Variants in PALM2AKAP2 observed in about 807,000 individuals in gnomAD.
PALM2AKAP2 encodes PALM2-AKAP2 fusion protein.
In PALM2AKAP2, 37 loss-of-function variants were observed where a neutral mutation model predicts 71.5. The observed-to-expected ratio is 0.52, with a 90% CI of 0.40 to 0.68. PALM2AKAP2 has a LOEUF of 0.68. PALM2AKAP2 is among the 30% of genes least tolerant of loss of function. PALM2AKAP2 has a pLI of 0.00. For synonymous variants in PALM2AKAP2, 468 were observed against 478.8 expected (o/e 0.98, Z 0.29); for missense variants, 1,224 against 1,191.8 (o/e 1.03, Z -0.40).
chr9:109,957,722 C>A (rs755672469), intron 6 of PALM2AKAP2, among the ~76,000 whole-genome samples: 3 of 152,158 alleles, frequency 2.0e-5, no homozygotes, highest in Admixed American at 6.5e-5. Context: ...TGTATTAGAA[C>A]CTGGGACATT....
chr9:110,171,732 A>G (rs945563001), exon 4 of PALM2AKAP2: 1 of 152,552 alleles, frequency 6.6e-6, no homozygotes, highest in African/African-American at 2.4e-5. Flanking sequence ...CCCCACCCCC[A>G]AATAGCACAC....
chr9:110,008,088 G>C (rs1438966775), intron 6 of PALM2AKAP2, among the ~76,000 whole-genome samples: 4 of 152,186 alleles, frequency 2.6e-5, no homozygotes, highest in African/African-American at 4.8e-5. Context: ...AAGGTGGTGG[G>C]AAAGTTTGAG....
At chr9:109,668,696 A>G (rs923512498) in intron 1 of PALM2AKAP2, among the ~76,000 whole-genome samples, 3 of 152,176 alleles carry the variant, frequency 2.0e-5, no homozygotes, top group South Asian at 4.1e-4. Flanking sequence ...TCAAGAAGGT[A>G]TATGATTAGG....
chr9:109,786,081 C>T (rs751720168), intron 1 of PALM2AKAP2, among the ~76,000 whole-genome samples: 21 of 152,220 alleles, frequency 1.4e-4, no homozygotes, highest in African/African-American at 2.7e-4. Flanking sequence ...CTGGCTGTGC[C>T]GTGGGCTTAC....
At chr9:109,986,153 G>C (rs1832374374) in intron 6 of PALM2AKAP2, among the ~76,000 whole-genome samples, 1 of 152,210 alleles carries the variant, frequency 6.6e-6, no homozygotes, top group Admixed American at 6.5e-5. Context: ...CCTTGGTATA[G>C]TGTGTTCCTT....
chr9:109,754,152 A>T (rs1828924302), intron 1 of PALM2AKAP2, among the ~76,000 whole-genome samples: 2 of 152,160 alleles, frequency 1.3e-5, no homozygotes, highest in South Asian at 4.1e-4. Flanking sequence ...GGCATGAAAG[A>T]TAAAACAGAA....
rs118096296 is a variant in PALM2AKAP2, at chr9:110,096,832, A to C, written c.157-39295A>C. Among the ~76,000 whole-genome samples, 612 of 152,304 alleles carry C rather than the reference A, an allele frequency of 4.0e-3. 11 individuals carry two copies. The East Asian group carries it at 0.059, about 15-fold the overall frequency. On this transcript the variant is annotated intron_variant, in intron 1 of 3. Coordinates refer to ENST00000374525, the Ensembl canonical transcript of PALM2AKAP2. ...AGGACAGCAAGTTCATCATAAATGC[A>C]AATGGGAAGGCTATTGATATTTTTA...
chr9:109,671,286 T>A (rs1827567723), intron 1 of PALM2AKAP2, among the ~76,000 whole-genome samples: 1 of 152,234 alleles, frequency 6.6e-6, no homozygotes, highest in African/African-American at 2.4e-5. Flanking sequence ...CTGTATATAG[T>A]ATAAGAAAGG....
At chr9:109,924,593 G>T (rs530554374) in intron 4 of PALM2AKAP2, among the ~76,000 whole-genome samples, 2 of 152,028 alleles carry the variant, frequency 1.3e-5, no homozygotes, top group Non-Finnish European at 2.9e-5. Flanking sequence ...CAGCAAGACT[G>T]CGTCTCAAAA....
intron 1 of PALM2AKAP2, among the ~76,000 whole-genome samples, chr9:109,807,967 C>T (rs1251212059): frequency 6.6e-6 from 1 of 152,208 alleles, no homozygotes; most frequent in African/African-American, 2.4e-5. Context: ...TGAAGAAGGA[C>T]ATGTTTGCTT....
At chr9:110,058,466 T>C (rs1245986008) in intron 1 of PALM2AKAP2, among the ~76,000 whole-genome samples, 1 of 152,208 alleles carries the variant, frequency 6.6e-6, no homozygotes, top group Non-Finnish European at 1.5e-5. Context: ...TTCTTCATTT[T>C]ATTCCTAAGA....
chr9:109,909,111 A>C (rs1246450845), intron 3 of PALM2AKAP2, among the ~76,000 whole-genome samples: 1 of 150,464 alleles, frequency 6.6e-6, no homozygotes, highest in Non-Finnish European at 1.5e-5. Flanking sequence ...GGTGAGAATA[A>C]ATAAGAGTAC....
chr9:109,954,738 T>C (rs1009890521), intron 6 of PALM2AKAP2, among the ~76,000 whole-genome samples: 4 of 151,822 alleles, frequency 2.6e-5, no homozygotes, highest in Non-Finnish European at 5.9e-5. Context: ...AGAAAATGGT[T>C]ATGCAGATTC....
At chr9:109,943,949 G>A (rs1831441681) in intron 6 of PALM2AKAP2, 1 of 154,440 alleles carries the variant, frequency 6.5e-6, no homozygotes, top group Non-Finnish European at 1.4e-5. Flanking sequence ...TCCGATCTAG[G>A]GTGATGCTTT....
chr9:110,058,235 C>T (rs2132536189), intron 1 of PALM2AKAP2, among the ~76,000 whole-genome samples: 1 of 152,154 alleles, frequency 6.6e-6, no homozygotes, highest in Non-Finnish European at 1.5e-5. Flanking sequence ...GTGTGCTATG[C>T]AAATGGGAAT....
At chr9:109,927,338 GC>G (rs1830980058) in intron 5 of PALM2AKAP2, among the ~76,000 whole-genome samples, 5 of 152,224 alleles carry the variant, frequency 3.3e-5, no homozygotes, top group Admixed American at 3.3e-4. Flanking sequence ...AATTTCAAAG[GC>G]CCCGAGTTGC....
intron 1 of PALM2AKAP2, among the ~76,000 whole-genome samples, chr9:109,773,005 C>T (rs1440313800): frequency 1.3e-5 from 2 of 152,148 alleles, no homozygotes; most frequent in Non-Finnish European, 2.9e-5. Flanking sequence ...GTAGTCCTAG[C>T]TACTTGGGAG....
At chr9:109,920,939 G>A (rs1830815533) in intron 3 of PALM2AKAP2, among the ~76,000 whole-genome samples, 1 of 152,138 alleles carries the variant, frequency 6.6e-6, no homozygotes, top group African/African-American at 2.4e-5. Context: ...ACTGTCTCGT[G>A]TGTTGTTCCT....
chr9:110,090,707 T>C (rs1001628422), intron 1 of PALM2AKAP2, among the ~76,000 whole-genome samples: 13 of 152,228 alleles, frequency 8.5e-5, no homozygotes, highest in African/African-American at 3.1e-4. Context: ...GTTCTAAATT[T>C]ATTGTGAATT....
Sources: gnomAD v4.1 joint callset for allele counts (sites outside exome capture counted in the v4.1 genomes callset) on GRCh38, gnomAD v4.1.1 for gene constraint, MANE v1.5 for transcripts, NCBI Gene and HGNC (gene_info 2026-07-23, HGNC 2026-07-21) for gene names.